LATS2: variants seen among roughly 807,000 people sequenced by gnomAD.
LATS2 encodes the protein large tumor suppressor kinase 2, also known as serine/threonine-protein kinase LATS2.
In LATS2, 24 loss-of-function variants were observed where a neutral mutation model predicts 76.0. That is an observed-to-expected ratio of 0.32 (90% CI 0.23 to 0.44). The LOEUF (loss-of-function observed/expected upper bound fraction) is 0.44, where lower values mean the gene tolerates loss of function less well. LATS2 is among the 20% of genes least tolerant of loss of function. LATS2 has a pLI of 1.00. For missense variants in LATS2, 1,286 were observed against 1,481.2 expected, an observed-to-expected ratio of 0.87 and a Z score of 2.16; for synonymous variants, 692 against 635.4, an observed-to-expected ratio of 1.09 and a Z score of -1.34.
chr13:20,973,904 CT>C lies in LATS2; in HGVS notation c.*965del. On this transcript the variant is annotated 3_prime_UTR_variant, in exon 8 of 8. Transcript: ENST00000382592. ...AAACGGACATGTGTCCGTGATTAAA[CT>C]TTTTGGCATCGCTGTATTAATCCCT... 1 of 222,136 alleles carries C rather than the reference CT, an allele frequency of 4.5e-6. No homozygotes were observed. The highest frequency in any genetic ancestry group is 9.0e-6 in the Non-Finnish European group (1 of 111,680). 13.8% of individuals were successfully genotyped at this position (222,136 alleles called of 1,614,324 possible).
chr13:20,996,407 C>T (rs552759237), intron 2 of LATS2, among the ~76,000 whole-genome samples: 57 of 143,896 alleles, frequency 4.0e-4, no homozygotes, highest in African/African-American at 1.3e-3. Context: ...GAGACAGAGG[C>T]TCGTTCTGTC....
At chr13:21,043,195 A>G (rs1565963998) in intron 2 of LATS2, among the ~76,000 whole-genome samples, 2 of 149,992 alleles carry the variant, frequency 1.3e-5, no homozygotes, top group Non-Finnish European at 3.0e-5. Flanking sequence ...AAAATTAGCC[A>G]GGCGTGGTGT....
In LATS2 at chr13:20,987,211, TA is replaced by T. The variant is rs56900665; in HGVS notation, c.1899+669del. Among the ~76,000 whole-genome samples the T allele has an allele frequency of 2.2e-4, 14 of 62,722 alleles. No individual in the cohort carries two copies. In the East Asian group the frequency reaches 9.3e-3, roughly 42 times the overall value. 41.1% of individuals were successfully genotyped at this position (62,722 alleles called of 152,430 possible). A position where few individuals can be genotyped will look rare whatever the true frequency, so the allele number is the denominator to read the frequency against. Reference sequence around the variant, plus strand: ...CTCCGTCTAAAAATAAATTAAAAAATAAAAAATAAAAATAAAAAAAACACAA... The same window carrying T: ...CTCCGTCTAAAAATAAATTAAAAAATAAAAATAAAAATAAAAAAAACACAA... On this transcript the variant is annotated intron_variant, in intron 4 of 7. Transcript: ENST00000382592.
At chr13:21,059,908 T>A (rs2138423647) in intron 1 of LATS2, among the ~76,000 whole-genome samples, 1 of 152,136 alleles carries the variant, frequency 6.6e-6, no homozygotes, top group Non-Finnish European at 1.5e-5. Flanking sequence ...GAGGTTGCAG[T>A]GAGCCGAGAT....
At chr13:21,010,497 A>G (rs1871548947) in intron 2 of LATS2, among the ~76,000 whole-genome samples, 1 of 152,202 alleles carries the variant, frequency 6.6e-6, no homozygotes, top group Non-Finnish European at 1.5e-5. Context: ...AGTGCTGAAT[A>G]TTCAAGGAAG....
intron 1 of LATS2, among the ~76,000 whole-genome samples, chr13:21,050,145 T>TAGAC (rs1873220020): frequency 6.9e-6 from 1 of 145,632 alleles, no homozygotes; most frequent in East Asian, 2.1e-4. Flanking sequence ...GATAGATAGA[T>TAGAC]AGATACATAC....
At position 20,975,251 on chromosome 13, in the gene LATS2, A is replaced by G. The variant is rs772925377; in HGVS notation, c.2886T>C (p.Asn962=). 1 of 1,614,210 alleles carries G rather than the reference A, an allele frequency of 6.2e-7. No individual in the cohort carries two copies. Among genetic ancestry groups the G allele is most frequent in the Non-Finnish European group, 8.5e-7 (1 of 1,180,022 alleles). ...GGTGGGCCTTCAGGTCATCGGCCCC[A>G]TTCCGCCCCAGGCGGTGGTCTGCGG... The part of the protein sequence containing the change: ...CCSADHRLGR[N]GADDLKAHPF... Residue 962 remains asparagine (N), a synonymous_variant, in exon 8 of 8, where the codon AAT becomes AAC. Coordinates refer to ENST00000382592, the MANE Select transcript of LATS2 (RefSeq NM_014572.3).
intron 2 of LATS2, among the ~76,000 whole-genome samples, chr13:21,000,542 A>G (rs1870996662): frequency 6.6e-6 from 1 of 152,206 alleles, no homozygotes; most frequent in African/African-American, 2.4e-5. Context: ...TCCTCAGGCT[A>G]AAATAATTCA....
At chr13:21,052,890 C>T (rs933768105) in intron 1 of LATS2, among the ~76,000 whole-genome samples, 2 of 152,136 alleles carry the variant, frequency 1.3e-5, no homozygotes. Flanking sequence ...ATGTCAAAGG[C>T]ACCGATGCTT....
chr13:21,027,744 T>C lies in LATS2; in HGVS notation c.342+17941A>G, dbSNP rs532480589. Reference sequence around the variant, plus strand: ...ACATTGCTTTTGCTATTCTAGGTACTTTGCAGTGCCATATGAATTCACAAT... The same window carrying C: ...ACATTGCTTTTGCTATTCTAGGTACCTTGCAGTGCCATATGAATTCACAAT... On this transcript the variant is annotated intron_variant, in intron 2 of 7. Transcript: ENST00000382592. Among the ~76,000 whole-genome samples, 6 of 152,214 alleles carry C rather than the reference T, an allele frequency of 3.9e-5. No individual in the cohort carries two copies. The East Asian group carries it at 5.8e-4, about 15-fold the overall frequency.
chr13:21,023,646 T>TAACA lies in LATS2; in HGVS notation c.342+22038_342+22039insTGTT, dbSNP rs1872164269. ...ATGACACATTTTCTATGACTGGCTT[T>TAACA]AAAAAAAAAAAAAAAAAAAAAAAAA... is the stretch of plus-strand genomic sequence containing the variant. On this transcript the variant is annotated intron_variant, in intron 2 of 7. Transcript: ENST00000382592. Among the ~76,000 whole-genome samples the TAACA allele has an allele frequency of 1.0e-4, 7 of 70,052 alleles. 1 individual carries two copies. Among genetic ancestry groups the TAACA allele is most frequent in the African/African-American group, 4.5e-4 (6 of 13,406 alleles). The allele number at this position is 70,052 out of a possible 152,430, so 46.0% of individuals were successfully genotyped here.
intron 1 of LATS2, among the ~76,000 whole-genome samples, chr13:21,049,330 G>A (rs75468111): frequency 0.064 from 9,706 of 152,254 alleles, 934 homozygotes; most frequent in East Asian, 0.43. Context: ...GCTTAGAAGG[G>A]ACAAGTGCAA....
chr13:20,988,379 G>A lies in LATS2; in HGVS notation c.1401C>T (p.Pro467=), dbSNP rs982467103. The change falls in exon 4 of 8, where the codon CCC becomes CCT. Residue 467 remains proline, a synonymous_variant. Coordinates refer to ENST00000382592, the MANE Select transcript of LATS2 (RefSeq NM_014572.3). ...AVGPSHPAWV[P]APAPAPAPAP... is the part of the protein sequence containing the mutation. ...CGGGGGCGGGGGCCGGGGCAGGCGC[G>A]GGCACCCAGGCGGGGTGCGAGGGCC... is the stretch of plus-strand genomic sequence containing the variant. The A allele has an allele frequency of 6.0e-6, 8 of 1,332,844 alleles. No individual in the cohort carries two copies. Among genetic ancestry groups the A allele is most frequent in the South Asian group, 5.3e-5 (3 of 56,462 alleles). The allele number at this position is 1,332,844 out of a possible 1,614,324, so 82.6% of individuals were successfully genotyped here.
intron 2 of LATS2, among the ~76,000 whole-genome samples, chr13:20,995,717 T>C (rs1049395046): frequency 6.6e-6 from 1 of 151,996 alleles, no homozygotes; most frequent in African/African-American, 2.4e-5. Flanking sequence ...TAAAGGGAAT[T>C]TCAAATCAAC....
rs1869685382 is a variant in LATS2 at position 20,977,667 on chromosome 13, AT to A, written c.2772+2023del. On this transcript the variant is annotated intron_variant, in intron 7 of 7. Coordinates refer to ENST00000382592, the MANE Select transcript of LATS2 (RefSeq NM_014572.3). ...TTAAGATGGTAAATTTTAATTTACCATTAAAATAATTAGATGGTAAATTTTA... is the reference window on the plus strand; with the variant it reads ...TTAAGATGGTAAATTTTAATTTACCATAAAATAATTAGATGGTAAATTTTA... Among the ~76,000 whole-genome samples the A allele has an allele frequency of 2.6e-5, 4 of 151,994 alleles. No homozygotes were observed. In the South Asian group the frequency reaches 8.3e-4, roughly 32 times the overall value.
At chr13:21,035,618 A>C (rs1398708889) in intron 2 of LATS2, among the ~76,000 whole-genome samples, 1 of 152,264 alleles carries the variant, frequency 6.6e-6, no homozygotes, top group Non-Finnish European at 1.5e-5. Context: ...TAATCTCAGC[A>C]GTAAACGTTT....
At chr13:21,008,932 G>A (rs1258739552) in intron 2 of LATS2, among the ~76,000 whole-genome samples, 1 of 152,150 alleles carries the variant, frequency 6.6e-6, no homozygotes, top group Non-Finnish European at 1.5e-5. Context: ...CTATCTAAAT[G>A]TCCATCACCA....
chr13:21,060,813 G>C lies in LATS2; in HGVS notation c.-205+533C>G, dbSNP rs552128755. On this transcript the variant is annotated intron_variant, in intron 1 of 7. Transcript: ENST00000382592. The stretch of plus-strand genomic sequence containing the variant: ...TGGCCCGTGGGACGATGGCGCGGCC[G>C]GGAGGATGGCCCCGGATCCGTGGGA... 1.6e-4 allele frequency among the ~76,000 whole-genome samples: 24 copies of C among 151,538 alleles called. No individual in the cohort carries two copies. In the South Asian group the frequency reaches 5.0e-3, roughly 31 times the overall value.
chr13:21,010,181 T>C (rs1871530109), intron 2 of LATS2, among the ~76,000 whole-genome samples: 1 of 140,460 alleles, frequency 7.1e-6, no homozygotes, highest in South Asian at 2.3e-4. Flanking sequence ...GAGTAGGCCA[T>C]GGAGCTAGAC....
Sources: allele counts gnomAD v4.1 joint callset (sites outside exome capture counted in the v4.1 genomes callset), GRCh38; gene constraint gnomAD v4.1.1; transcripts MANE v1.5; gene names NCBI Gene and HGNC (gene_info 2026-07-23, HGNC 2026-07-21).